Variants in TMPRSS11F observed in about 807,000 individuals in gnomAD.
TMPRSS11F encodes the protein transmembrane protease serine 11F.
A neutral mutation model predicts 60.2 loss-of-function variants in TMPRSS11F; 47 were observed. The ratio of observed to expected loss-of-function variants is 0.78; its 90% CI spans 0.62 to 1.00. TMPRSS11F has a LOEUF of 1.00. Among genes scored for constraint, TMPRSS11F ranks in the 50% least tolerant of loss-of-function variants. The pLI, the probability that TMPRSS11F is intolerant of heterozygous loss-of-function variation, is 0.00. For synonymous variants in TMPRSS11F, 166 were observed against 167.3 expected (o/e 0.99, Z 0.06); for missense variants, 519 against 522.9 (o/e 0.99, Z 0.07).
intron 1 of TMPRSS11F, among the ~76,000 whole-genome samples, chr4:68,106,799 G>A (rs1016392031): frequency 6.6e-6 from 1 of 152,114 alleles, no homozygotes; most frequent in East Asian, 1.9e-4. Flanking sequence ...TTACATAATA[G>A]AATATAATGT....
At chr4:68,078,126 C>A (rs1723623281) in intron 3 of TMPRSS11F, among the ~76,000 whole-genome samples, 1 of 152,206 alleles carries the variant, frequency 6.6e-6, no homozygotes, top group African/African-American at 2.4e-5. Context: ...CCCACCCTTA[C>A]TCCCACCTGC....
intron 2 of TMPRSS11F, among the ~76,000 whole-genome samples, chr4:68,094,189 C>T (rs866751470): frequency 0.019 from 1,859 of 97,670 alleles, 31 homozygotes; most frequent in African/African-American, 0.055. Context: ...GAAAATGTGG[C>T]ACATATACAC....
intron 2 of TMPRSS11F, among the ~76,000 whole-genome samples, chr4:68,096,881 T>C (rs989965424): frequency 7.2e-5 from 11 of 152,318 alleles, no homozygotes; most frequent in African/African-American, 1.9e-4. Flanking sequence ...GTACAATCTA[T>C]AAAAGTAATA....
intron 8 of TMPRSS11F, chr4:68,061,862 C>T (rs1723183593): frequency 9.4e-6 from 4 of 426,314 alleles, no homozygotes; most frequent in South Asian, 6.9e-5. Context: ...CTCTTTGGAT[C>T]AGGCAAAAGC....
At chr4:68,081,799 T>A (rs539557555) in intron 3 of TMPRSS11F, among the ~76,000 whole-genome samples, 1 of 152,186 alleles carries the variant, frequency 6.6e-6, no homozygotes, top group African/African-American at 2.4e-5. Context: ...ATGGCTTTCA[T>A]ATGGCTTTTG....
chr4:68,056,113 C>T (rs1209780924), intron 9 of TMPRSS11F, among the ~76,000 whole-genome samples: 1 of 151,990 alleles, frequency 6.6e-6, no homozygotes, highest in Non-Finnish European at 1.5e-5. Flanking sequence ...CCTGTAAGAC[C>T]AGGGACATCA....
At chr4:68,076,483 ATCGGTTACTTC>A (rs1723586175) in intron 3 of TMPRSS11F, among the ~76,000 whole-genome samples, 1 of 152,178 alleles carries the variant, frequency 6.6e-6, no homozygotes, top group South Asian at 2.1e-4. Context: ...AAATCACTCC[ATCGGTTACTTC>A]TCTTTCTGGG....
intron 3 of TMPRSS11F, among the ~76,000 whole-genome samples, chr4:68,083,705 G>T (rs112308933): frequency 1.3e-5 from 2 of 152,030 alleles, no homozygotes; most frequent in East Asian, 3.9e-4. Flanking sequence ...AATTCAAAAA[G>T]ATAAAGGAAC....
intron 8 of TMPRSS11F, 121 bp from the exon 9 acceptor site, chr4:68,059,589 T>A (rs879779003): frequency 3.6e-5 from 35 of 969,398 alleles, no homozygotes; most frequent in Non-Finnish European, 4.9e-5. Flanking sequence ...ACATTAGCTA[T>A]CATCTTATTT....
At chr4:68,110,821 A>G (rs1283252412) in intron 1 of TMPRSS11F, among the ~76,000 whole-genome samples, 1 of 152,178 alleles carries the variant, frequency 6.6e-6, no homozygotes, top group Non-Finnish European at 1.5e-5. Context: ...GTTCCTCTTC[A>G]GTATGACCAC....
chr4:68,114,882 T>C (rs1577935293), intron 1 of TMPRSS11F, among the ~76,000 whole-genome samples: 1 of 150,312 alleles, frequency 6.7e-6, no homozygotes, highest in Non-Finnish European at 1.5e-5. Flanking sequence ...GTATAACTCA[T>C]AGTATTTACA....
intron 2 of TMPRSS11F, among the ~76,000 whole-genome samples, chr4:68,098,590 A>G (rs1259655783): frequency 6.6e-6 from 1 of 152,084 alleles, no homozygotes; most frequent in East Asian, 1.9e-4. Context: ...AGTATACTAA[A>G]CTCTCAGCAC....
intron 8 of TMPRSS11F, chr4:68,062,640 G>A: frequency 1.2e-6 from 1 of 801,400 alleles, no homozygotes; most frequent in South Asian, 1.3e-5. Flanking sequence ...GAGCTGTTGA[G>A]ACCTAAATAA....
At chr4:68,129,443 T>A (rs1007055537) in intron 1 of TMPRSS11F, among the ~76,000 whole-genome samples, 1 of 152,058 alleles carries the variant, frequency 6.6e-6, no homozygotes, top group Non-Finnish European at 1.5e-5. Context: ...AAGCAACATA[T>A]GATAAAAATG....
At chr4:68,123,338 G>T (rs1274690714) in intron 1 of TMPRSS11F, among the ~76,000 whole-genome samples, 1 of 152,074 alleles carries the variant, frequency 6.6e-6, no homozygotes, top group Non-Finnish European at 1.5e-5. Flanking sequence ...AATCATGAAC[G>T]TCAAGAAATC....
At chr4:68,065,626 C>T (rs1433026227) in intron 7 of TMPRSS11F, among the ~76,000 whole-genome samples, 2 of 152,174 alleles carry the variant, frequency 1.3e-5, no homozygotes, top group East Asian at 1.9e-4. Flanking sequence ...TATGTCTTTA[C>T]TTCCTCATGG....
chr4:68,097,468 A>T (rs1724096671), intron 2 of TMPRSS11F, among the ~76,000 whole-genome samples: 1 of 151,922 alleles, frequency 6.6e-6, no homozygotes, highest in Non-Finnish European at 1.5e-5. Context: ...TTTTATTAGG[A>T]CCCTTGCAGT....
chr4:68,105,049 GTTTTTTTTTTTT>G (rs34041075), intron 1 of TMPRSS11F, among the ~76,000 whole-genome samples: 3 of 55,192 alleles, frequency 5.4e-5, no homozygotes, highest in South Asian at 9.4e-4. Context: ...TTCCCTCTAG[GTTTTTTTTTTTT>G]TTTTTTTTTT....
chr4:68,108,544 T>G (rs1434899864), intron 1 of TMPRSS11F, among the ~76,000 whole-genome samples: 1 of 152,170 alleles, frequency 6.6e-6, no homozygotes, highest in Non-Finnish European at 1.5e-5. Flanking sequence ...CTGGGCAGCA[T>G]GATGTGTCAC....
Sources: gnomAD v4.1 joint callset for allele counts (sites outside exome capture counted in the v4.1 genomes callset) on GRCh38, gnomAD v4.1.1 for gene constraint, MANE v1.5 for transcripts, NCBI Gene and HGNC (gene_info 2026-07-23, HGNC 2026-07-21) for gene names.